Variants in HS3ST4 observed in about 807,000 individuals in gnomAD.
The protein encoded by HS3ST4 is heparan sulfate glucosamine 3-O-sulfotransferase 4.
HS3ST4 carries 17 observed loss-of-function variants against 29.2 expected under a neutral mutation model. The ratio of observed to expected loss-of-function variants is 0.58; its 90% CI spans 0.40 to 0.87. HS3ST4 has a LOEUF of 0.87. Ranked by LOEUF, HS3ST4 falls within the 40% of genes least tolerant of loss-of-function variation. HS3ST4 has a pLI of 0.00. For missense variants in HS3ST4, 627 were observed against 634.5 expected, an observed-to-expected ratio of 0.99 and a Z score of 0.13; for synonymous variants, 314 against 285.7, an observed-to-expected ratio of 1.10 and a Z score of -1.00.
intron 1 of HS3ST4, among the ~76,000 whole-genome samples, chr16:25,941,448 C>T (rs1427047446): frequency 3.3e-5 from 5 of 152,186 alleles, no homozygotes; most frequent in Non-Finnish European, 7.3e-5. Flanking sequence ...TGTGAGCCAC[C>T]GTGCCTGGCC....
In HS3ST4 at chr16:26,136,365, C is replaced by A; in HGVS notation, c.*117C>A. The stretch of plus-strand genomic sequence containing the variant: ...GGAGTGCCAAGTAGATCTCCTCCTC[C>A]TTCATGCAGCCAGGATTGCCTCCAG... On this transcript the variant is annotated 3_prime_UTR_variant, in exon 2 of 2. Transcript: ENST00000331351. 1 of 969,082 alleles carries A rather than the reference C, an allele frequency of 1.0e-6. No homozygotes were observed. The highest frequency in any genetic ancestry group is 1.5e-6 in the Non-Finnish European group (1 of 670,088). The allele number at this position is 969,082 out of a possible 1,614,324, so 60.0% of individuals were successfully genotyped here.
At chr16:25,889,385 T>A (rs537241982) in intron 1 of HS3ST4, among the ~76,000 whole-genome samples, 2 of 152,316 alleles carry the variant, frequency 1.3e-5, no homozygotes, top group South Asian at 4.2e-4. Flanking sequence ...ATCGCCAGAC[T>A]TGCTAGAGAA....
intron 1 of HS3ST4, among the ~76,000 whole-genome samples, chr16:25,971,843 A>C (rs1221268735): frequency 6.6e-6 from 1 of 152,178 alleles, no homozygotes; most frequent in Non-Finnish European, 1.5e-5. Flanking sequence ...AGGTGTGAGA[A>C]TCGCTTGAAC....
chr16:25,764,283 G>A (rs1337961862), intron 1 of HS3ST4, among the ~76,000 whole-genome samples: 1 of 152,174 alleles, frequency 6.6e-6, no homozygotes, highest in Non-Finnish European at 1.5e-5. Context: ...GAAAGAGAGG[G>A]TGAGAAAGGG....
intron 1 of HS3ST4, among the ~76,000 whole-genome samples, chr16:26,108,557 T>A (rs1028742685): frequency 2.0e-5 from 3 of 152,208 alleles, no homozygotes; most frequent in African/African-American, 7.2e-5. Flanking sequence ...GCCAGCTAGG[T>A]GACCTTGGAC....
intron 1 of HS3ST4, among the ~76,000 whole-genome samples, chr16:26,110,058 C>T (rs1426315214): frequency 2.6e-5 from 4 of 152,094 alleles, no homozygotes; most frequent in African/African-American, 7.2e-5. Flanking sequence ...CTATCCTTCA[C>T]CCCCTGAACC....
chr16:25,946,069 T>TA (rs1386236375), intron 1 of HS3ST4, among the ~76,000 whole-genome samples: 1 of 152,024 alleles, frequency 6.6e-6, no homozygotes, highest in African/African-American at 2.4e-5. Flanking sequence ...GCTTAAACAG[T>TA]ATGTTCTGCC....
At chr16:25,891,336 A>G (rs141578337) in intron 1 of HS3ST4, among the ~76,000 whole-genome samples, 5 of 152,308 alleles carry the variant, frequency 3.3e-5, no homozygotes, top group East Asian at 1.9e-4. Context: ...TTAGGCTTAC[A>G]TATTCTGTGG....
At chr16:26,015,197 T>G (rs13335530) in intron 1 of HS3ST4, among the ~76,000 whole-genome samples, 6,471 of 152,248 alleles carry the variant, frequency 0.043, 462 homozygotes, top group African/African-American at 0.14. Flanking sequence ...AGATCAGCTG[T>G]CTGCAAATTC....
chr16:25,715,403 A>G (rs1966447423), intron 1 of HS3ST4, among the ~76,000 whole-genome samples: 2 of 151,888 alleles, frequency 1.3e-5, no homozygotes, highest in Non-Finnish European at 2.9e-5. Flanking sequence ...GGCACTGGAT[A>G]AAAGCTTTTA....
intron 1 of HS3ST4, among the ~76,000 whole-genome samples, chr16:26,026,121 C>T (rs185917247): frequency 1.7e-3 from 263 of 152,204 alleles, no homozygotes; most frequent in African/African-American, 6.2e-3. Context: ...GTTGGCCAAG[C>T]TGGTCTTGAT....
At chr16:26,071,429 G>A (rs1021511460) in intron 1 of HS3ST4, among the ~76,000 whole-genome samples, 6 of 152,136 alleles carry the variant, frequency 3.9e-5, no homozygotes, top group African/African-American at 7.2e-5. Flanking sequence ...GAGGGAAAAG[G>A]AAGTATTTCA....
intron 1 of HS3ST4, among the ~76,000 whole-genome samples, chr16:25,797,799 A>G (rs1440863550): frequency 6.6e-6 from 1 of 152,214 alleles, no homozygotes; most frequent in Non-Finnish European, 1.5e-5. Flanking sequence ...GGAAATTGGC[A>G]TTACTCAAAC....
chr16:25,896,366 A>G (rs113960768), intron 1 of HS3ST4, among the ~76,000 whole-genome samples: 4,389 of 152,296 alleles, frequency 0.029, 205 homozygotes, highest in African/African-American at 0.1. Flanking sequence ...TCAAAAGAAG[A>G]CATACAGGCA....
At chr16:25,991,643 C>G (rs537276711) in intron 1 of HS3ST4, among the ~76,000 whole-genome samples, 1 of 152,296 alleles carries the variant, frequency 6.6e-6, no homozygotes, top group East Asian at 1.9e-4. Flanking sequence ...TAGGAATGTG[C>G]TGGGCTATCT....
chr16:25,746,984 G>A (rs1312776504), intron 1 of HS3ST4, among the ~76,000 whole-genome samples: 2 of 152,162 alleles, frequency 1.3e-5, no homozygotes, highest in Non-Finnish European at 2.9e-5. Context: ...GAGTAGCTAA[G>A]ACCACAGGTG....
At chr16:25,998,038 C>T (rs1969172330) in intron 1 of HS3ST4, among the ~76,000 whole-genome samples, 2 of 152,134 alleles carry the variant, frequency 1.3e-5, no homozygotes, top group South Asian at 4.1e-4. Context: ...GAGTTCCAGA[C>T]TAGCCTGGGC....
intron 1 of HS3ST4, among the ~76,000 whole-genome samples, chr16:26,104,007 T>C (rs1329176570): frequency 2.0e-5 from 3 of 152,200 alleles, no homozygotes; most frequent in Non-Finnish European, 1.5e-5. Flanking sequence ...GTTCCTATGA[T>C]GCCATAAAAA....
intron 1 of HS3ST4, among the ~76,000 whole-genome samples, chr16:25,862,893 C>G (rs375269847): frequency 6.6e-6 from 1 of 152,174 alleles, no homozygotes; most frequent in East Asian, 1.9e-4. Context: ...TTAGCCCCAC[C>G]CACTGTGTCT....
Sources: gnomAD v4.1 joint callset for allele counts (sites outside exome capture counted in the v4.1 genomes callset) on GRCh38, gnomAD v4.1.1 for gene constraint, MANE v1.5 for transcripts, NCBI Gene and HGNC (gene_info 2026-07-23, HGNC 2026-07-21) for gene names.